SCN9A: variants seen among roughly 807,000 people sequenced by gnomAD.
SCN9A encodes sodium channel protein type 9 subunit alpha.
SCN9A carries 131 observed loss-of-function variants against 187.0 expected under a neutral mutation model. That is an observed-to-expected ratio of 0.70 (90% confidence interval 0.61 to 0.81). SCN9A has a LOEUF of 0.81. SCN9A is among the 30% of genes least tolerant of loss of function. The pLI is 0.00. For missense variants in SCN9A, 2,252 were observed against 2,396.6 expected, an observed-to-expected ratio of 0.94 and a Z score of 1.26; for synonymous variants, 809 against 808.6, an observed-to-expected ratio of 1.00 and a Z score of -0.01.
chr2:166,234,469 G>A (rs191128327), intron 20 of SCN9A, among the ~76,000 whole-genome samples: 47 of 152,278 alleles, frequency 3.1e-4, no homozygotes, highest in African/African-American at 8.4e-4. Context: ...TATTTCAGGC[G>A]TAGAAAAAGT....
At chr2:166,304,511 C>A (rs1178204498) in intron 5 of SCN9A, among the ~76,000 whole-genome samples, 182 bp from the exon 6 acceptor site, 2 of 152,140 alleles carry the variant, frequency 1.3e-5, no homozygotes, top group African/African-American at 4.8e-5. Flanking sequence ...TTGATGCAAA[C>A]AAAATACAGA....
chr2:166,241,042 A>C (rs1200780937), intron 19 of SCN9A, among the ~76,000 whole-genome samples: 2 of 152,124 alleles, frequency 1.3e-5, no homozygotes, highest in Non-Finnish European at 2.9e-5. Context: ...TCCACACATA[A>C]GTAACAAAGT....
chr2:166,280,389 C>A lies in SCN9A; in HGVS notation c.2311G>T (p.Glu771Ter), dbSNP rs946496831. 1 of 1,584,080 alleles carries A rather than the reference C, an allele frequency of 6.3e-7. No individual in the cohort carries two copies. Among genetic ancestry groups the A allele is most frequent in the Non-Finnish European group, 8.6e-7 (1 of 1,162,940 alleles). ...CCTATAGCAAGTACATTTTTGAATT[C>A]CTCAGTCATTGGGTGGTGTTCCATA... ...MAMEHHPMTE[E>*]FKNVLAIGNL... The change falls in exon 14 of 27, where the codon GAA becomes TAA. Residue 771 changes from glutamate to a stop codon, truncating the protein, a stop_gained. Coordinates refer to ENST00000642356, the MANE Select transcript of SCN9A (RefSeq NM_001365536.1). LOFTEE classifies it high-confidence loss of function.
Position 166,318,032 on chromosome 2 carries a change from T to C in SCN9A, c.-50-6226A>G, listed in dbSNP as rs1268382588. Among the ~76,000 whole-genome samples the C allele has an allele frequency of 3.3e-5, 5 of 152,202 alleles. 1 individual carries two copies. The East Asian group carries it at 9.6e-4, about 29-fold the overall frequency. On this transcript the variant is annotated intron_variant, in intron 1 of 26. Transcript: ENST00000642356. ...AAAACAAGTTGATTAATCCATGGATTATTTATTCAATAATGTTGCAGAAAA... is the reference window on the plus strand; with the variant it reads ...AAAACAAGTTGATTAATCCATGGATCATTTATTCAATAATGTTGCAGAAAA...
At chr2:166,351,039 G>A (rs1881436) in intron 1 of SCN9A, among the ~76,000 whole-genome samples, 91,143 of 151,894 alleles carry the variant, frequency 0.6, 27,513 homozygotes, top group African/African-American at 0.67. Flanking sequence ...AAGCACAGAC[G>A]CACACACAGA....
Position 166,227,730 on chromosome 2 carries a change from G to A in SCN9A, c.4207-7C>T. The stretch of plus-strand genomic sequence containing the variant: ...TCCATCCCTTAAAAGTTGCCTTTAA[G>A]AATAACATTAATAGAATTTGAATGT... On this transcript the variant is annotated splice_polypyrimidine_tract_variant and splice_region_variant and intron_variant, in intron 22 of 26. Transcript: ENST00000642356. The A allele has an allele frequency of 7.1e-7, 1 of 1,414,796 alleles. No homozygotes were observed. The highest frequency in any genetic ancestry group is 9.8e-7 in the Non-Finnish European group (1 of 1,021,310). 87.6% of individuals were successfully genotyped at this position (1,414,796 alleles called of 1,614,324 possible).
In SCN9A at chr2:166,199,804, A is replaced by G; in HGVS notation, c.4835T>C (p.Ile1612Thr). 1.2e-6 allele frequency: 2 copies of G among 1,613,994 alleles called. No individual in the cohort carries two copies. Among genetic ancestry groups the G allele is most frequent in the Non-Finnish European group, 1.7e-6 (2 of 1,179,998 alleles). ...YFVSPTLFRV[I>T]RLARIGRILR... ...GATTCGGCCAATCCTGGCAAGACGG[A>G]TCACTCGGAACAGGGTAGGGGACAC... Residue 1612 changes from isoleucine to threonine, a missense_variant, in exon 27 of 27, where the codon ATC becomes ACC. By Grantham distance (89) the Ile-to-Thr change is moderately conservative. This residue lies in a region of SCN9A where 84 missense variants were observed against 134.2 expected (regional missense o/e 0.63). Transcript: ENST00000642356.
intron 11 of SCN9A, among the ~76,000 whole-genome samples, chr2:166,285,391 C>T (rs1025890444): frequency 7.9e-5 from 12 of 152,076 alleles, no homozygotes; most frequent in African/African-American, 2.9e-4. Context: ...TGACTCATGT[C>T]CAGGGTGTAA....
At chr2:166,329,575 GTT>G (rs1401653302) in intron 1 of SCN9A, among the ~76,000 whole-genome samples, 4 of 128,132 alleles carry the variant, frequency 3.1e-5, no homozygotes, top group African/African-American at 1.4e-4. Flanking sequence ...TTGGGGGGGG[GTT>G]GTTGTTGTTG....
At chr2:166,355,439 G>C (rs1056566397) in intron 1 of SCN9A, among the ~76,000 whole-genome samples, 1 of 151,666 alleles carries the variant, frequency 6.6e-6, no homozygotes, top group African/African-American at 2.4e-5. Context: ...TTCTTCTTTG[G>C]TCAGTGTCTT....
At chr2:166,210,051 C>G (rs989159376) in intron 24 of SCN9A, among the ~76,000 whole-genome samples, 1 of 152,072 alleles carries the variant, frequency 6.6e-6, no homozygotes, top group African/African-American at 2.4e-5. Flanking sequence ...AGACTTGGAA[C>G]CAAGCCAAAT....
intron 1 of SCN9A, among the ~76,000 whole-genome samples, chr2:166,326,994 A>G (rs191679645): frequency 8.7e-4 from 133 of 152,266 alleles, no homozygotes; most frequent in African/African-American, 2.7e-3. Context: ...TTAAAATTCA[A>G]TGAAAGGTCT....
intron 1 of SCN9A, among the ~76,000 whole-genome samples, chr2:166,370,214 A>ATCATCATCATCATC (rs1553507677): frequency 1.6e-4 from 15 of 93,000 alleles, no homozygotes; most frequent in African/African-American, 7.7e-4. Flanking sequence ...TAATAATAAT[A>ATCATCATCATCATC]ATAATAATAA....
At chr2:166,229,268 C>T (rs1194615134) in intron 21 of SCN9A, among the ~76,000 whole-genome samples, 1 of 151,586 alleles carries the variant, frequency 6.6e-6, no homozygotes, top group African/African-American at 2.4e-5. Context: ...AATATAATAG[C>T]TTAAATAAAT....
chr2:166,296,097 T>C (rs1359345148), intron 7 of SCN9A: 1 of 152,228 alleles, frequency 6.6e-6, no homozygotes, highest in Admixed American at 6.5e-5. Flanking sequence ...TCAGATATTC[T>C]TGGATTTGAA....
chr2:166,231,621 G>A (rs182675413), intron 21 of SCN9A, among the ~76,000 whole-genome samples: 1 of 136,870 alleles, frequency 7.3e-6, no homozygotes, highest in Admixed American at 8.4e-5. Context: ...GCATGATCTC[G>A]GCTCACTGCA....
chr2:166,287,439 C>T (rs1425807830), intron 10 of SCN9A, among the ~76,000 whole-genome samples: 2 of 151,886 alleles, frequency 1.3e-5, no homozygotes, highest in African/African-American at 4.8e-5. Flanking sequence ...TTAAGATATA[C>T]AATTTTCATA....
intron 24 of SCN9A, 80 bp downstream of exon 24, chr2:166,226,487 A>AAATT: frequency 2.0e-6 from 2 of 997,706 alleles, no homozygotes; most frequent in South Asian, 4.0e-5. Flanking sequence ...AATTGATATC[A>AAATT]AATTAAACTT....
At chr2:166,279,336 A>G (rs1400282142) in intron 14 of SCN9A, among the ~76,000 whole-genome samples, 4 of 152,168 alleles carry the variant, frequency 2.6e-5, no homozygotes, top group African/African-American at 9.6e-5. Flanking sequence ...GGACCACAGC[A>G]AAAGCAAAAT....
Sources: allele counts gnomAD v4.1 joint callset (sites outside exome capture counted in the v4.1 genomes callset), GRCh38; gene constraint gnomAD v4.1.1; regional missense constraint gnomAD v4.1.1; transcripts MANE v1.5; gene names NCBI Gene and HGNC (gene_info 2026-07-23, HGNC 2026-07-21).